Variants in ATR observed in about 807,000 individuals in gnomAD.
ATR encodes the protein serine/threonine-protein kinase ATR.
A neutral mutation model predicts 305.3 loss-of-function variants in ATR; 142 were observed. The observed-to-expected ratio is 0.47, with a 90% CI of 0.41 to 0.53. The LOEUF is 0.53. Among genes scored for constraint, ATR ranks in the 20% least tolerant of loss-of-function variants. The pLI is 0.00. For missense variants in ATR, 2,135 were observed against 3,133.1 expected (o/e 0.68, Z 7.60); for synonymous variants, 1,050 against 1,068.1 (o/e 0.98, Z 0.33).
intron 46 of ATR, chr3:142,452,596 C>G: frequency 1.3e-6 from 1 of 759,606 alleles, no homozygotes; most frequent in Non-Finnish European, 1.6e-6. Context: ...ACTGCTTGAA[C>G]CCAGGAGGCA....
intron 41 of ATR, 107 bp from the exon 42 acceptor site, chr3:142,462,197 T>C (rs867065364): frequency 8.7e-5 from 100 of 1,150,988 alleles, no homozygotes; most frequent in African/African-American, 6.7e-4. Context: ...AAGAATGTCA[T>C]TGAAGGCTTA....
chr3:142,525,085 A>G (rs1181929194), intron 21 of ATR, among the ~76,000 whole-genome samples: 2 of 152,218 alleles, frequency 1.3e-5, no homozygotes, highest in Non-Finnish European at 2.9e-5. Context: ...CTTAAATAAC[A>G]TTACAGGTTA....
chr3:142,498,696 TA>T lies in ATR; in HGVS notation c.5458del (p.Tyr1820MetfsTer4). On this transcript the variant is annotated frameshift_variant, in exon 32 of 47. Coordinates refer to ENST00000350721, the MANE Select transcript of ATR (RefSeq NM_001184.4). LOFTEE classifies it high-confidence loss of function. ...TGCTCTCACTAGTTTCAGTGAGTCATAAAAAGCTGTGATATCTCTTTTTTTG... is the reference window on the plus strand; with the variant it reads ...TGCTCTCACTAGTTTCAGTGAGTCATAAAAGCTGTGATATCTCTTTTTTTG... ...SAKKRDITAF[Y>X]DSLKLVRAEQ... The T allele has an allele frequency of 3.1e-6, 5 of 1,614,006 alleles. No individual in the cohort carries two copies. Among genetic ancestry groups the T allele is most frequent in the Non-Finnish European group, 4.2e-6 (5 of 1,179,878 alleles).
At position 142,462,181 on chromosome 3, in the gene ATR, T is replaced by C. The variant is rs1416400115; in HGVS notation, c.7042-91A>G. 9 of 1,312,820 alleles carry C rather than the reference T, an allele frequency of 6.9e-6. No homozygotes were observed. The African/African-American group carries it at 8.9e-5, about 13-fold the overall frequency. 81.3% of individuals were successfully genotyped at this position (1,312,820 alleles called of 1,614,324 possible). A position where few individuals can be genotyped will look rare whatever the true frequency, so the allele number is the denominator to read the frequency against. ...ATATATTTAAAGATTGTTCATTTCA[T>C]AACCAAAGAATGTCATTGAAGGCTT... On this transcript the variant is annotated intron_variant, in intron 41 of 46. Transcript: ENST00000350721.
chr3:142,467,875 T>C, intron 39 of ATR, 59 bp downstream of exon 39: 4 of 1,581,624 alleles, frequency 2.5e-6, no homozygotes, highest in Non-Finnish European at 3.4e-6. Context: ...AAAAATCTGC[T>C]CAAATTATAT....
intron 16 of ATR, among the ~76,000 whole-genome samples, chr3:142,546,511 A>G (rs1033796136): frequency 6.6e-6 from 1 of 152,166 alleles, no homozygotes; most frequent in African/African-American, 2.4e-5. Context: ...TCAACTAAAA[A>G]TTATCAAAAT....
At chr3:142,548,331 A>G (rs906848340) in intron 15 of ATR, among the ~76,000 whole-genome samples, 4 of 152,126 alleles carry the variant, frequency 2.6e-5, no homozygotes, top group African/African-American at 9.7e-5. Context: ...ACCTAATCTA[A>G]CCTCACTCTG....
At chr3:142,499,580 C>T (rs1409845042) in intron 31 of ATR, 47 bp downstream of exon 31, 1 of 1,570,394 alleles carries the variant, frequency 6.4e-7, no homozygotes, top group Non-Finnish European at 8.8e-7. Context: ...AGGCGTGAGC[C>T]ACCGCACCCA....
At chr3:142,514,972 A>T (rs2032796404) in intron 25 of ATR, among the ~76,000 whole-genome samples, 1 of 152,174 alleles carries the variant, frequency 6.6e-6, no homozygotes, top group Admixed American at 6.5e-5. Context: ...ATGAAAATTC[A>T]TTGTAAAAAT....
In ATR at chr3:142,561,328, T is replaced by C. The variant is rs2034870747; in HGVS notation, c.1264A>G (p.Ser422Gly). 1 of 1,614,136 alleles carries C rather than the reference T, an allele frequency of 6.2e-7. No homozygotes were observed. The highest frequency in any genetic ancestry group is 1.3e-5 in the African/African-American group (1 of 75,072). ...TTGGGTGATATTCCATCACTATTAC[T>C]GCTGAGGTTTTCCTGTTGAGTTTGG... ...QCQTQQENLS[S>G]NSDGISPKRR... The change falls in exon 5 of 47, where the codon AGT becomes GGT. Residue 422 changes from serine (S) to glycine (G), a missense_variant. This residue lies in a region of ATR where 744 missense variants were observed against 873.2 expected (regional missense o/e 0.85). Transcript: ENST00000350721.
intron 31 of ATR, 111 bp from the exon 32 acceptor site, chr3:142,498,885 C>CA: frequency 2.4e-6 from 2 of 841,116 alleles, no homozygotes; most frequent in Non-Finnish European, 3.6e-6. Context: ...GGCTTCATTC[C>CA]TTTTTTTTTT....
At chr3:142,473,498 T>G (rs944428230) in intron 36 of ATR, among the ~76,000 whole-genome samples, 1 of 152,112 alleles carries the variant, frequency 6.6e-6, no homozygotes, top group African/African-American at 2.4e-5. Flanking sequence ...TTATTATAGC[T>G]TTGTGGTATA....
chr3:142,551,851 C>T lies in ATR; in HGVS notation c.2805+1376G>A, dbSNP rs187698085. ...CTATTTAAACTCAAGAGCTTCTGCA[C>T]AGCAAAATAAACTATCATCACAGTG... On this transcript the variant is annotated intron_variant, in intron 13 of 46. Coordinates refer to ENST00000350721, the MANE Select transcript of ATR (RefSeq NM_001184.4). Among the ~76,000 whole-genome samples the T allele has an allele frequency of 3.3e-5, 5 of 152,264 alleles. No individual in the cohort carries two copies. In the East Asian group the frequency reaches 9.6e-4, roughly 29 times the overall value.
chr3:142,500,090 T>G, intron 30 of ATR: 2 of 200,324 alleles, frequency 1.0e-5, no homozygotes, highest in Non-Finnish European at 2.0e-5. Context: ...TGAACACACA[T>G]AAATTCAGAG....
At chr3:142,559,078 A>G in intron 7 of ATR, 173 bp downstream of exon 7, 1 of 702,594 alleles carries the variant, frequency 1.4e-6, no homozygotes, top group Non-Finnish European at 2.3e-6. Context: ...AATATTATGC[A>G]CATAAATTGG....
chr3:142,527,130 T>G (rs1444883393), intron 21 of ATR, among the ~76,000 whole-genome samples: 1 of 152,194 alleles, frequency 6.6e-6, no homozygotes, highest in Non-Finnish European at 1.5e-5. Flanking sequence ...TTTGATAATA[T>G]TTCATTTATA....
intron 33 of ATR, among the ~76,000 whole-genome samples, 190 bp from the exon 34 acceptor site, chr3:142,496,710 GC>G (rs2031666493): frequency 6.6e-6 from 1 of 151,954 alleles, no homozygotes; most frequent in Non-Finnish European, 1.5e-5. Flanking sequence ...TGTTTAAAAA[GC>G]CTTGACTTAA....
intron 21 of ATR, among the ~76,000 whole-genome samples, chr3:142,530,585 C>T (rs1577643401): frequency 6.6e-6 from 1 of 152,180 alleles, no homozygotes; most frequent in Admixed American, 6.5e-5. Context: ...TGAGTATCCA[C>T]GTCAGCATAG....
Position 142,555,892 on chromosome 3 carries a change from T to C in ATR, c.2326A>G (p.Ser776Gly), listed in dbSNP as rs766122444. The C allele has an allele frequency of 1.9e-6, 3 of 1,610,498 alleles. No individual in the cohort carries two copies. Among genetic ancestry groups the C allele is most frequent in the Non-Finnish European group, 2.5e-6 (3 of 1,179,080 alleles). Residue 776 changes from serine to glycine, a missense_variant, in exon 10 of 47, where the codon AGT becomes GGT. Transcript: ENST00000350721. ...FLFLLKKKIP[S>G]PVKLAFIDNL... ...AATCACTCACCAAGTTTTACTGGAC[T>C]AGGTATTTTTTTTTTCAGTAGGAAA...
Sources: allele counts gnomAD v4.1 joint callset (sites outside exome capture counted in the v4.1 genomes callset), GRCh38; gene constraint gnomAD v4.1.1; regional missense constraint gnomAD v4.1.1; transcripts MANE v1.5; gene names NCBI Gene and HGNC (gene_info 2026-07-23, HGNC 2026-07-21).